Variants in KIF20B observed in about 807,000 individuals in gnomAD.
The protein encoded by KIF20B is kinesin family member 20B.
In KIF20B, 188 loss-of-function variants were observed where a neutral mutation model predicts 232.5. The ratio of observed to expected loss-of-function variants is 0.81; its 90% CI spans 0.72 to 0.91. The LOEUF (loss-of-function observed/expected upper bound fraction) is 0.91, where lower values mean the gene tolerates loss of function less well. Ranked by LOEUF, KIF20B falls within the 40% of genes least tolerant of loss-of-function variation. The probability of loss-of-function intolerance (pLI) is 0.00; values close to 1 mark genes in which losing one functional copy is unlikely to be tolerated. For synonymous variants in KIF20B, 712 were observed against 683.0 expected, an observed-to-expected ratio of 1.04 and a Z score of -0.66; for missense variants, 2,154 against 2,055.9, an observed-to-expected ratio of 1.05 and a Z score of -0.92.
intron 18 of KIF20B, among the ~76,000 whole-genome samples, chr10:89,731,791 A>T (rs1843325500): frequency 1.3e-5 from 2 of 152,206 alleles, no homozygotes; most frequent in African/African-American, 4.8e-5. Flanking sequence ...TATCAGTGAC[A>T]CTAAGGGACT....
At position 89,738,424 on chromosome 10, in the gene KIF20B, T is replaced by A. The variant is rs1164118371; in HGVS notation, c.3583T>A (p.Leu1195Ile). 6.2e-7 allele frequency: 1 copy of A among 1,603,228 alleles called. No homozygotes were observed. The highest frequency in any genetic ancestry group is 8.5e-7 in the Non-Finnish European group (1 of 1,177,288). The change falls in exon 20 of 33, where the codon TTA becomes ATA. Residue 1195 changes from leucine to isoleucine, a missense_variant. Transcript: ENST00000371728. ...QDILEKESII[L>I]KLERNLKEFQ... ...CATTTTGGAAAAGGAATCTATCATC[T>A]TAAAGCTAGAAAGAAATTTGAAGGA...
intron 30 of KIF20B, 58 bp downstream of exon 30, chr10:89,768,449 A>C: frequency 9.7e-7 from 1 of 1,036,186 alleles, no homozygotes; most frequent in Non-Finnish European, 1.5e-6. Context: ...AGTTGTGTTC[A>C]ATTATAACTC....
At chr10:89,768,412 A>G (rs752829463) in intron 30 of KIF20B, 21 bp downstream of exon 30, 6 of 1,365,310 alleles carry the variant, frequency 4.4e-6, no homozygotes, top group Non-Finnish European at 3.1e-6. Context: ...TAATTTGTCC[A>G]AAATTGTAGC....
At chr10:89,740,536 ACT>A (rs1841775864) in intron 21 of KIF20B, among the ~76,000 whole-genome samples, 1 of 151,766 alleles carries the variant, frequency 6.6e-6, no homozygotes, top group Non-Finnish European at 1.5e-5. Flanking sequence ...GAAATTTCCA[ACT>A]CTAATCATTT....
chr10:89,733,273 T>A (rs1421145902), intron 19 of KIF20B: 1 of 436,468 alleles, frequency 2.3e-6, no homozygotes, highest in Non-Finnish European at 4.1e-6. Flanking sequence ...ATTGTGCTTT[T>A]ATTATTTCTT....
At chr10:89,754,400 T>A (rs1842079080) in intron 25 of KIF20B, 118 bp from the exon 26 acceptor site, 1 of 503,100 alleles carries the variant, frequency 2.0e-6, no homozygotes, top group African/African-American at 2.0e-5. Context: ...TTGTTTAAAG[T>A]GAAACATTAA....
chr10:89,740,575 C>G (rs185634786), intron 21 of KIF20B, among the ~76,000 whole-genome samples: 156 of 152,262 alleles, frequency 1.0e-3, no homozygotes, highest in African/African-American at 3.6e-3. Context: ...TAGCCCTACC[C>G]TTAAGCTATT....
intron 31 of KIF20B, among the ~76,000 whole-genome samples, chr10:89,769,445 C>A (rs916666388): frequency 1.9e-4 from 29 of 151,594 alleles, no homozygotes; most frequent in African/African-American, 7.0e-4. Context: ...ACAAAAACAA[C>A]AACAAAATAA....
intron 27 of KIF20B, 59 bp downstream of exon 27, chr10:89,758,941 A>G: frequency 9.3e-7 from 1 of 1,079,948 alleles, no homozygotes; most frequent in Non-Finnish European, 1.3e-6. Context: ...TTAATTGACT[A>G]ACTCTTAAAG....
Position 89,725,079 on chromosome 10 carries a change from T to A in KIF20B, c.1922T>A (p.Ile641Asn). 1 of 1,614,044 alleles carries A rather than the reference T, an allele frequency of 6.2e-7. No homozygotes were observed. The highest frequency in any genetic ancestry group is 8.5e-7 in the Non-Finnish European group (1 of 1,179,934). Residue 641 changes from isoleucine to asparagine, a missense_variant, in exon 15 of 33, where the codon ATC becomes AAC. Ile to Asn is a moderately radical substitution (Grantham distance 149). Transcript: ENST00000371728. ...LEENAERRLA[I>N]FKDLVGKCDT... ...GAAAATGCTGAACGTCGTTTGGCTA[T>A]CTTCAAGGATTTGGTTGGTAAATGT...
chr10:89,717,393 G>C (rs1472792272), intron 9 of KIF20B, 31 bp from the exon 10 acceptor site: 1 of 1,354,266 alleles, frequency 7.4e-7, no homozygotes, highest in African/African-American at 1.5e-5. Context: ...AATTAAAAAT[G>C]ATAAGATAAC....
chr10:89,710,422 G>T (rs1450806097), intron 5 of KIF20B, among the ~76,000 whole-genome samples: 16 of 151,920 alleles, frequency 1.1e-4, no homozygotes, highest in Non-Finnish European at 4.4e-5. Flanking sequence ...AGAAATGGGG[G>T]TTCACCATTT....
At chr10:89,707,378 A>G (rs748717722) in intron 2 of KIF20B, among the ~76,000 whole-genome samples, 2 of 152,116 alleles carry the variant, frequency 1.3e-5, no homozygotes, top group Non-Finnish European at 2.9e-5. Context: ...TTGTTAGTAT[A>G]CATTAATTTT....
chr10:89,716,866 A>G (rs1368688412), intron 9 of KIF20B, among the ~76,000 whole-genome samples: 3 of 152,158 alleles, frequency 2.0e-5, no homozygotes, highest in Non-Finnish European at 1.5e-5. Context: ...TATCCCCTGA[A>G]TACTATATAA....
rs1272392993 is a variant in KIF20B at position 89,729,157 on chromosome 10, A to G, written c.2301A>G (p.Lys767=). ...TAATTACACAGAATCAAAGAATTAAAGAATTGATAAATATAATTGATCAAA... is the reference window on the plus strand; with the variant it reads ...TAATTACACAGAATCAAAGAATTAAGGAATTGATAAATATAATTGATCAAA... The part of the protein sequence containing the change: ...KKIITQNQRI[K]ELINIIDQKE... Residue 767 remains lysine, a synonymous_variant, in exon 18 of 33, where the codon AAA becomes AAG. Transcript: ENST00000371728. 2 of 1,448,246 alleles carry G rather than the reference A, an allele frequency of 1.4e-6. No individual in the cohort carries two copies. Among genetic ancestry groups the G allele is most frequent in the Non-Finnish European group, 1.9e-6 (2 of 1,079,082 alleles). The allele number at this position is 1,448,246 out of a possible 1,614,324, so 89.7% of individuals were successfully genotyped here.
intron 27 of KIF20B, 56 bp downstream of exon 27, chr10:89,758,938 A>G: frequency 1.8e-6 from 2 of 1,093,908 alleles, no homozygotes. Context: ...TACTTAATTG[A>G]CTAACTCTTA....
rs561353276 is a variant in KIF20B, at chr10:89,725,379, A to G, written c.2001+221A>G. ...ATTTATACCTCTGTTATATATATAT[A>G]TATCTTATTTTGGTATTGCTTGAAT... On this transcript the variant is annotated intron_variant, in intron 15 of 32. Transcript: ENST00000371728. Among the ~76,000 whole-genome samples the G allele has an allele frequency of 4.6e-5, 7 of 152,146 alleles. No homozygotes were observed. In the South Asian group the frequency reaches 1.2e-3, roughly 27 times the overall value.
chr10:89,768,889 G>C lies in KIF20B; in HGVS notation c.5242+1G>C, dbSNP rs562330101. On this transcript the variant is annotated splice_donor_variant, in intron 31 of 32. Coordinates refer to ENST00000371728, the MANE Select transcript of KIF20B (RefSeq NM_001284259.2). LOFTEE classifies it high-confidence loss of function. ...TCTCCCTCAATTCTTCAATCAAAAG[G>C]TTTGCAGAAAATTAATTAAATGACC... is the stretch of plus-strand genomic sequence containing the variant. The C allele has an allele frequency of 1.3e-6, 2 of 1,580,314 alleles. No individual in the cohort carries two copies. The highest frequency in any genetic ancestry group is 1.7e-4 in the Middle Eastern group (1 of 5,844).
At chr10:89,761,605 G>A (rs554951815) in intron 28 of KIF20B, among the ~76,000 whole-genome samples, 9 of 152,198 alleles carry the variant, frequency 5.9e-5, no homozygotes, top group African/African-American at 2.2e-4. Flanking sequence ...TGCCACCATG[G>A]CCAACTGAGA....
Sources: gnomAD v4.1 joint callset for allele counts (sites outside exome capture counted in the v4.1 genomes callset) on GRCh38, gnomAD v4.1.1 for gene constraint, MANE v1.5 for transcripts, NCBI Gene and HGNC (gene_info 2026-07-23, HGNC 2026-07-21) for gene names.